Variants in LOC400499 observed in about 807,000 individuals in gnomAD.
At chr16:11,388,702 C>G in the LOC400499 span, among the ~76,000 whole-genome samples, 1 of 152,298 alleles carries the variant, frequency 6.6e-6, no homozygotes, top group African/African-American at 2.4e-5. Flanking sequence ...AAGCCAGAGA[C>G]CAGCTGAGCC....
At chr16:11,407,346 G>GAA in the LOC400499 span, 143 of 355,836 alleles carry the variant, frequency 4.0e-4, no homozygotes, top group African/African-American at 2.6e-3. Context: ...AGCTGGGTCA[G>GAA]AAAAAAAAAA....
At chr16:11,376,921 T>C in the LOC400499 span, among the ~76,000 whole-genome samples, 3 of 149,218 alleles carry the variant, frequency 2.0e-5, no homozygotes, top group Admixed American at 7.0e-5. Context: ...TTTATTCTTT[T>C]TGATGCTATT....
At chr16:11,405,387 C>G in the LOC400499 span, among the ~76,000 whole-genome samples, 9 of 152,166 alleles carry the variant, frequency 5.9e-5, no homozygotes, top group South Asian at 1.2e-3. Flanking sequence ...TAAGGGGCTC[C>G]CAGGGAGATA....
chr16:11,398,380 A>G, the LOC400499 span: 3 of 1,232,264 alleles, frequency 2.4e-6, no homozygotes, highest in East Asian at 9.5e-5. Context: ...AGGTGGAGGG[A>G]GTGCCGCAGC....
At chr16:11,398,386 G>C in the LOC400499 span, 1 of 1,232,304 alleles carries the variant, frequency 8.1e-7, no homozygotes, top group Non-Finnish European at 1.0e-6. Context: ...AGGGAGTGCC[G>C]CAGCCAGCGT....
chr16:11,430,899 C>T, the LOC400499 span: 1 of 397,170 alleles, frequency 2.5e-6, no homozygotes, highest in East Asian at 3.6e-5. Context: ...ATCCATACCC[C>T]TTTATCTAAA....
At chr16:11,381,021 G>A in the LOC400499 span, 2 of 153,332 alleles carry the variant, frequency 1.3e-5, no homozygotes, top group Non-Finnish European at 2.9e-5. Context: ...ATTCTCACCA[G>A]TCACATTTTT....
At chr16:11,450,273 C>A in the LOC400499 span, among the ~76,000 whole-genome samples, 1 of 152,268 alleles carries the variant, frequency 6.6e-6, no homozygotes, top group Non-Finnish European at 1.5e-5. Context: ...ATCAAACCGA[C>A]TTACGTCCTA....
chr16:11,462,380 G>C, the LOC400499 span: 250 of 1,396,512 alleles, frequency 1.8e-4, no homozygotes, highest in South Asian at 1.6e-3. Context: ...ACTGGGACCA[G>C]ACAGGGCAGG....
the LOC400499 span, among the ~76,000 whole-genome samples, chr16:11,503,645 G>C: frequency 3.3e-5 from 5 of 152,244 alleles, no homozygotes; most frequent in Non-Finnish European, 5.9e-5. Context: ...CTCGATCTCA[G>C]CAAGACGCAG....
chr16:11,513,512 C>A, the LOC400499 span, among the ~76,000 whole-genome samples: 1 of 152,056 alleles, frequency 6.6e-6, no homozygotes, highest in Non-Finnish European at 1.5e-5. Context: ...GCTCACTGCA[C>A]CTCCGCCTCC....
chr16:11,383,349 G>A, the LOC400499 span, among the ~76,000 whole-genome samples: 48 of 152,288 alleles, frequency 3.2e-4, no homozygotes, highest in South Asian at 7.3e-3. Context: ...TTACAGGCGT[G>A]AGCCACCGTG....
the LOC400499 span, chr16:11,441,080 G>C: frequency 2.5e-6 from 1 of 399,024 alleles, no homozygotes; most frequent in Non-Finnish European, 4.4e-6. Flanking sequence ...TCTTAGCCTG[G>C]GTGTGTGAGA....
chr16:11,415,794 G>T, the LOC400499 span, among the ~76,000 whole-genome samples: 1 of 152,040 alleles, frequency 6.6e-6, no homozygotes, highest in Non-Finnish European at 1.5e-5. Context: ...GAGCGGCGTG[G>T]AGGTGGTCAT....
the LOC400499 span, among the ~76,000 whole-genome samples, chr16:11,385,868 G>A: frequency 2.0e-4 from 31 of 152,120 alleles, no homozygotes; most frequent in African/African-American, 6.3e-4. Flanking sequence ...CCACTGAATC[G>A]TACACTTAAA....
At chr16:11,455,165 T>C in the LOC400499 span, among the ~76,000 whole-genome samples, 1 of 152,170 alleles carries the variant, frequency 6.6e-6, no homozygotes, top group East Asian at 1.9e-4. Flanking sequence ...TAGGACACCA[T>C]ATATCTCAGC....
chr16:11,443,534 T>C, the LOC400499 span: 58 of 327,060 alleles, frequency 1.8e-4, no homozygotes, highest in Non-Finnish European at 3.1e-4. Flanking sequence ...TTGCACACAG[T>C]AGATGCTCCA....
the LOC400499 span, among the ~76,000 whole-genome samples, chr16:11,466,503 C>A: frequency 2.0e-5 from 3 of 152,102 alleles, no homozygotes; most frequent in Non-Finnish European, 4.4e-5. Flanking sequence ...ATTCTCCTGC[C>A]TCAGCCTCCC....
the LOC400499 span, chr16:11,398,433 C>T: frequency 3.8e-5 from 47 of 1,232,226 alleles, no homozygotes; most frequent in South Asian, 6.6e-4. Context: ...GAAGCTCTGA[C>T]GGGTACAAGA....
Sources: allele counts gnomAD v4.1 joint callset (sites outside exome capture counted in the v4.1 genomes callset), GRCh38; gene constraint gnomAD v4.1.1; transcripts MANE v1.5.